The following USP10 variants were observed in gnomAD, a reference collection of about 807,000 sequenced individuals.
USP10 encodes ubiquitin specific peptidase 10.
Under a neutral mutation model 84.5 loss-of-function variants are expected in USP10, and 22 were observed. The ratio of observed to expected loss-of-function variants is 0.26; its 90% CI spans 0.19 to 0.37. The LOEUF (loss-of-function observed/expected upper bound fraction) is 0.37, where lower values mean the gene tolerates loss of function less well. Among genes scored for constraint, USP10 ranks in the 10% least tolerant of loss-of-function variants. The pLI is 1.00. For synonymous variants in USP10, 454 were observed against 387.6 expected (o/e 1.17, Z -2.01); for missense variants, 1,019 against 998.9 (o/e 1.02, Z -0.27).
chr16:84,760,030 G>A, intron 7 of USP10, 84 bp downstream of exon 7: 1 of 1,558,508 alleles, frequency 6.4e-7, no homozygotes. Flanking sequence ...ATTCAGTCTT[G>A]TTGGGAAGAT....
intron 1 of USP10, among the ~76,000 whole-genome samples, chr16:84,731,283 C>CTT (rs531027465): frequency 3.5e-5 from 5 of 142,652 alleles, no homozygotes; most frequent in Non-Finnish European, 6.2e-5. Flanking sequence ...CCGGCCTCTA[C>CTT]TTTTTTTTTT....
At chr16:84,764,037 TG>T in intron 9 of USP10, 48 bp from the exon 10 acceptor site, 5 of 1,533,418 alleles carry the variant, frequency 3.3e-6, no homozygotes, top group Admixed American at 2.4e-5. Context: ...TTTTTTTTTT[TG>T]CTGTTCTTGT....
chr16:84,715,487 C>T (rs1906891599), intron 1 of USP10, among the ~76,000 whole-genome samples: 1 of 151,886 alleles, frequency 6.6e-6, no homozygotes, highest in Non-Finnish European at 1.5e-5. Context: ...AATAGGATCT[C>T]CGCCTCCCAA....
At position 84,779,541 on chromosome 16, in the gene USP10, AAAG is replaced by A. The variant is rs1393176732; in HGVS notation, c.*465_*467del. The A allele has an allele frequency of 1.3e-5, 2 of 153,136 alleles. No homozygotes were observed. Among genetic ancestry groups the A allele is most frequent in the African/African-American group, 4.8e-5 (2 of 41,462 alleles). 9.5% of individuals were successfully genotyped at this position (153,136 alleles called of 1,614,324 possible). On this transcript the variant is annotated 3_prime_UTR_variant, in exon 14 of 14. Transcript: ENST00000219473. ...AAATGATAAAAATGAGCCAGTTATC[AAAG>A]AAGAACTAGTTCTTACTTCAAAAGA...
chr16:84,732,751 A>G (rs552165355), intron 1 of USP10, among the ~76,000 whole-genome samples: 10 of 152,276 alleles, frequency 6.6e-5, no homozygotes, highest in South Asian at 2.1e-4. Flanking sequence ...CCAGGCCTCA[A>G]TGACTTGTTT....
chr16:84,761,464 G>A (rs1034139606), intron 8 of USP10, among the ~76,000 whole-genome samples: 15 of 152,236 alleles, frequency 9.9e-5, no homozygotes, highest in African/African-American at 1.4e-4. Flanking sequence ...AGCATGCGGA[G>A]CAGAGTCAGG....
chr16:84,733,643 C>A, intron 2 of USP10, 140 bp downstream of exon 2: 1 of 546,784 alleles, frequency 1.8e-6, no homozygotes, highest in Non-Finnish European at 3.1e-6. Context: ...CCTCAACCCA[C>A]CAACTAGATT....
At chr16:84,746,115 T>C (rs1911197048) in intron 4 of USP10, among the ~76,000 whole-genome samples, 1 of 151,194 alleles carries the variant, frequency 6.6e-6, no homozygotes, top group South Asian at 2.1e-4. Flanking sequence ...TTGGATTGAG[T>C]AAATGGATTT....
chr16:84,729,357 C>T (rs550541568), intron 1 of USP10, among the ~76,000 whole-genome samples: 1 of 152,140 alleles, frequency 6.6e-6, no homozygotes, highest in Non-Finnish European at 1.5e-5. Context: ...TAGGATTCCC[C>T]TAGCTTGTGA....
At chr16:84,768,846 CTT>C (rs143793581) in intron 11 of USP10, among the ~76,000 whole-genome samples, 76 of 152,292 alleles carry the variant, frequency 5.0e-4, no homozygotes, top group South Asian at 1.0e-3. Context: ...GCTTGTTACT[CTT>C]TGATTTGATC....
rs1911099377 is a variant in USP10 at position 84,745,391 on chromosome 16, T to A, written c.910T>A (p.Leu304Met). The A allele has an allele frequency of 2.5e-6, 4 of 1,612,906 alleles. No individual in the cohort carries two copies. The highest frequency in any genetic ancestry group is 3.4e-6 in the Non-Finnish European group (4 of 1,179,600). ...GGGCACAGCTACCAACGGGGTGGAG[T>A]TGCACACCACGGAAAGCATAGACTT... is the stretch of plus-strand genomic sequence containing the variant. Reference protein sequence around the residue: ...GEGTATNGVELHTTESIDLDP... With the variant: ...GEGTATNGVEMHTTESIDLDP... Residue 304 changes from leucine (L) to methionine (M), a missense_variant, in exon 4 of 14, where the codon TTG (leucine) becomes ATG (methionine). This residue lies in a region of USP10 where 787 missense variants were observed against 708.8 expected (regional missense o/e 1.11). Coordinates refer to ENST00000219473, the MANE Select transcript of USP10 (RefSeq NM_005153.3).
rs115881577 is a variant in USP10, at chr16:84,745,437, G to A, written c.956G>A (p.Ser319Asn). 2,911 of 1,613,802 alleles carry A rather than the reference G, an allele frequency of 1.8e-3. 40 individuals carry two copies. In the African/African-American group the frequency reaches 0.034, roughly 19 times the overall value. ...SIDLDPTKPE[S>N]ASPPADGTGS... ...GACTTGGACCCAACCAAACCCGAGA[G>A]TGCATCACCTCCTGCTGACGGCACG... The change falls in exon 4 of 14, where the codon AGT becomes AAT. Residue 319 changes from serine to asparagine, a missense_variant. Physicochemically the swap from Ser to Asn is conservative, Grantham distance 46 (BLOSUM62 1). This residue lies in a region of USP10 where 787 missense variants were observed against 708.8 expected (regional missense o/e 1.11). Transcript: ENST00000219473.
intron 8 of USP10, among the ~76,000 whole-genome samples, chr16:84,761,450 C>T (rs1913193103): frequency 6.6e-6 from 1 of 152,194 alleles, no homozygotes; most frequent in Admixed American, 6.5e-5. Context: ...TTGCTGACAG[C>T]AAAAGCATGC....
At chr16:84,751,778 G>A (rs559417521) in intron 4 of USP10, among the ~76,000 whole-genome samples, 12 of 152,156 alleles carry the variant, frequency 7.9e-5, no homozygotes, top group Admixed American at 2.0e-4. Context: ...TGTCGATTAC[G>A]GGCCAGTTAT....
At chr16:84,748,807 G>T (rs1471954493) in intron 4 of USP10, among the ~76,000 whole-genome samples, 1 of 152,158 alleles carries the variant, frequency 6.6e-6, no homozygotes, top group Non-Finnish European at 1.5e-5. Context: ...AATTGAAGTA[G>T]CTTTGTCAAA....
chr16:84,768,408 G>C (rs1218532969), intron 11 of USP10, 50 bp downstream of exon 11: 5 of 1,452,868 alleles, frequency 3.4e-6, no homozygotes, highest in Non-Finnish European at 4.6e-6. Flanking sequence ...CTCTGGTTTG[G>C]TGGAAAGAAC....
intron 13 of USP10, 27 bp downstream of exon 13, chr16:84,775,252 C>G (rs768397962): frequency 2.5e-6 from 4 of 1,607,920 alleles, no homozygotes; most frequent in Non-Finnish European, 3.4e-6. Flanking sequence ...GACATTACTT[C>G]TTCATTAAAA....
intron 1 of USP10, among the ~76,000 whole-genome samples, chr16:84,703,085 T>G (rs528248781): frequency 1.3e-5 from 2 of 150,766 alleles, no homozygotes; most frequent in African/African-American, 4.9e-5. Flanking sequence ...TATTAGAAAG[T>G]GTTGGTTGAT....
intron 1 of USP10, among the ~76,000 whole-genome samples, chr16:84,710,864 G>A (rs914654382): frequency 1.3e-5 from 2 of 152,134 alleles, no homozygotes; most frequent in Non-Finnish European, 2.9e-5. Context: ...CAGGTCGTCC[G>A]CATGGGTTTG....
Sources: gnomAD v4.1 joint callset for allele counts (sites outside exome capture counted in the v4.1 genomes callset) on GRCh38, gnomAD v4.1.1 for gene constraint, gnomAD v4.1.1 regional missense constraint, MANE v1.5 for transcripts, NCBI Gene and HGNC (gene_info 2026-07-23, HGNC 2026-07-21) for gene names.